The following NECAB1 variants were observed in gnomAD, a reference collection of about 807,000 sequenced individuals.
NECAB1 encodes the protein N-terminal EF-hand calcium-binding protein 1.
A neutral mutation model predicts 57.5 loss-of-function variants in NECAB1; 29 were observed. The observed-to-expected ratio is 0.50, with a 90% CI of 0.38 to 0.69. NECAB1 has a LOEUF of 0.69. Among genes scored for constraint, NECAB1 ranks in the 30% least tolerant of loss-of-function variants. The pLI is 0.00. For synonymous variants in NECAB1, 142 were observed against 147.7 expected (o/e 0.96, Z 0.28); for missense variants, 372 against 413.8 (o/e 0.90, Z 0.88).
intron 5 of NECAB1, among the ~76,000 whole-genome samples, chr8:90,901,124 G>A (rs1189972450): frequency 2.0e-5 from 3 of 151,826 alleles, no homozygotes; most frequent in African/African-American, 7.3e-5. Context: ...TAAACAACTG[G>A]CAGCCTGGAG....
intron 10 of NECAB1, among the ~76,000 whole-genome samples, chr8:90,941,288 G>A (rs1031639568): frequency 1.3e-5 from 2 of 152,192 alleles, no homozygotes; most frequent in African/African-American, 4.8e-5. Flanking sequence ...AGCTGTGATT[G>A]CTCCCTTGGC....
rs756164672 is a variant in NECAB1 at position 90,925,640 on chromosome 8, T to A, written c.600T>A (p.Phe200Leu). 1.2e-5 allele frequency: 20 copies of A among 1,613,754 alleles called. No individual in the cohort carries two copies. Among genetic ancestry groups the A allele is most frequent in the African/African-American group, 2.7e-5 (2 of 74,930 alleles). Residue 200 changes from phenylalanine to leucine, a missense_variant, in exon 7 of 13, where the codon TTT (phenylalanine) becomes TTA (leucine). By Grantham distance (22) the Phe-to-Leu change is conservative (BLOSUM62 0). Coordinates refer to ENST00000417640, the MANE Select transcript of NECAB1 (RefSeq NM_022351.5). Reference sequence around the variant, plus strand: ...GCTTCTCCCCAAACAGCCCTCAGTTTAATGTCAGCGGTCCAGGTAACATAC... The same window carrying A: ...GCTTCTCCCCAAACAGCCCTCAGTTAAATGTCAGCGGTCCAGGTAACATAC... ...HNSFSPNSPQ[F>L]NVSGPGLLEE...
intron 8 of NECAB1, among the ~76,000 whole-genome samples, chr8:90,934,027 C>A (rs1810472295): frequency 6.6e-6 from 1 of 151,940 alleles, no homozygotes; most frequent in Non-Finnish European, 1.5e-5. Flanking sequence ...TTTAATGTAC[C>A]TTTCTCTTCC....
At chr8:90,814,806 G>A (rs1392918648) in intron 2 of NECAB1, among the ~76,000 whole-genome samples, 1 of 151,952 alleles carries the variant, frequency 6.6e-6, no homozygotes, top group African/African-American at 2.4e-5. Flanking sequence ...AGGAACTCAG[G>A]TCTTTTTTAT....
At chr8:90,913,264 T>C (rs908982374) in intron 5 of NECAB1, among the ~76,000 whole-genome samples, 2 of 152,186 alleles carry the variant, frequency 1.3e-5, no homozygotes, top group Non-Finnish European at 1.5e-5. Flanking sequence ...CCAAAGGAAA[T>C]GTGTAGATTG....
intron 2 of NECAB1, among the ~76,000 whole-genome samples, chr8:90,806,206 T>C (rs773736171): frequency 2.6e-5 from 4 of 152,196 alleles, no homozygotes; most frequent in African/African-American, 4.8e-5. Context: ...GGTGGCACAA[T>C]TGATCCCTGT....
chr8:90,922,580 C>T (rs1810148480), intron 6 of NECAB1, among the ~76,000 whole-genome samples: 1 of 148,712 alleles, frequency 6.7e-6, no homozygotes, highest in African/African-American at 2.5e-5. Context: ...GCAACCTCCG[C>T]CTCCCGGGTT....
intron 5 of NECAB1, among the ~76,000 whole-genome samples, chr8:90,909,701 T>A (rs1279336411): frequency 6.6e-6 from 1 of 152,134 alleles, no homozygotes; most frequent in African/African-American, 2.4e-5. Context: ...ACTCCATAAG[T>A]CATTTGCTCT....
intron 2 of NECAB1, among the ~76,000 whole-genome samples, chr8:90,818,191 T>A (rs1322756607): frequency 6.6e-6 from 1 of 151,938 alleles, no homozygotes; most frequent in Non-Finnish European, 1.5e-5. Flanking sequence ...CTTTTCTTGC[T>A]TAGGCTGATT....
intron 4 of NECAB1, chr8:90,872,488 G>T (rs1808639075): frequency 5.4e-6 from 1 of 185,144 alleles, no homozygotes; most frequent in African/African-American, 2.3e-5. Flanking sequence ...ATGATATATT[G>T]TGCAGAGCCT....
At chr8:90,842,598 T>C (rs755711090) in intron 3 of NECAB1, among the ~76,000 whole-genome samples, 24 of 152,336 alleles carry the variant, frequency 1.6e-4, no homozygotes, top group Non-Finnish European at 3.2e-4. Context: ...GCTCTTCAAA[T>C]GAATGCTGGG....
intron 3 of NECAB1, among the ~76,000 whole-genome samples, chr8:90,871,630 C>G (rs1808623693): frequency 6.6e-6 from 1 of 152,116 alleles, no homozygotes; most frequent in African/African-American, 2.4e-5. Flanking sequence ...CAAGTCAGGA[C>G]TTATGATAGC....
rs183963887 is a variant in NECAB1 at position 90,955,358 on chromosome 8, C to T, written c.1031-129C>T. ...GCCTCAAATAGTCAGGAAATGGTGA[C>T]TAGAAAGATAAGTTATTATGCAGAC... On this transcript the variant is annotated intron_variant, in intron 12 of 12. Transcript: ENST00000417640. 7.0e-4 allele frequency: 428 copies of T among 610,510 alleles called. No individual in the cohort carries two copies. The African/African-American group carries it at 7.7e-3, about 11-fold the overall frequency. The allele number at this position is 610,510 out of a possible 1,614,324, so 37.8% of individuals were successfully genotyped here.
At chr8:90,832,922 A>C (rs1812316031) in intron 3 of NECAB1, among the ~76,000 whole-genome samples, 1 of 152,146 alleles carries the variant, frequency 6.6e-6, no homozygotes, top group African/African-American at 2.4e-5. Flanking sequence ...TTCCAAGGCA[A>C]TTTTTAAAAA....
chr8:90,870,381 A>G (rs1394177488), intron 3 of NECAB1, among the ~76,000 whole-genome samples: 2 of 152,216 alleles, frequency 1.3e-5, no homozygotes, highest in Non-Finnish European at 2.9e-5. Flanking sequence ...AGAAAGGTAA[A>G]GTAGAAACTT....
At chr8:90,932,497 A>T (rs1227842872) in intron 8 of NECAB1, among the ~76,000 whole-genome samples, 1 of 152,212 alleles carries the variant, frequency 6.6e-6, no homozygotes, top group African/African-American at 2.4e-5. Flanking sequence ...TAATACAGAT[A>T]GGGGGTTGAA....
intron 6 of NECAB1, among the ~76,000 whole-genome samples, chr8:90,919,958 TTC>T (rs1240104811): frequency 1.3e-5 from 2 of 152,206 alleles, no homozygotes; most frequent in African/African-American, 2.4e-5. Flanking sequence ...AACAACTGTT[TTC>T]TGTGTTAGGC....
intron 10 of NECAB1, 69 bp from the exon 11 acceptor site, chr8:90,949,738 G>T: frequency 1.2e-6 from 1 of 829,898 alleles, no homozygotes; most frequent in Non-Finnish European, 2.0e-6. Flanking sequence ...ACTACATATG[G>T]ATATTAGAAA....
At chr8:90,868,641 T>C (rs1365605122) in intron 3 of NECAB1, among the ~76,000 whole-genome samples, 2 of 152,218 alleles carry the variant, frequency 1.3e-5, no homozygotes, top group Non-Finnish European at 1.5e-5. Context: ...CAGCAAAGCA[T>C]TCAAGATGTG....
Sources: gnomAD v4.1 joint callset for allele counts (sites outside exome capture counted in the v4.1 genomes callset) on GRCh38, gnomAD v4.1.1 for gene constraint, MANE v1.5 for transcripts, NCBI Gene and HGNC (gene_info 2026-07-23, HGNC 2026-07-21) for gene names.